Variants in ATG2B observed in about 807,000 individuals in gnomAD.
The protein encoded by ATG2B is autophagy-related protein 2 homolog B.
In ATG2B, 121 loss-of-function variants were observed where a neutral mutation model predicts 241.3. The observed-to-expected ratio is 0.50, with a 90% confidence interval of 0.43 to 0.58. ATG2B has a LOEUF of 0.58. Among genes scored for constraint, ATG2B ranks in the 20% least tolerant of loss-of-function variants. ATG2B has a pLI of 0.00. For synonymous variants in ATG2B, 858 were observed against 876.6 expected, an observed-to-expected ratio of 0.98 and a Z score of 0.37; for missense variants, 2,306 against 2,491.6, an observed-to-expected ratio of 0.93 and a Z score of 1.59.
At chr14:96,308,101 C>T (rs1021780940) in intron 29 of ATG2B, among the ~76,000 whole-genome samples, 1 of 149,260 alleles carries the variant, frequency 6.7e-6, no homozygotes, top group Non-Finnish European at 1.5e-5. Context: ...AGTAAATAAT[C>T]ACTAAATATT....
chr14:96,291,971 G>A (rs183787758), intron 37 of ATG2B, 58 bp downstream of exon 37: 11 of 1,163,770 alleles, frequency 9.5e-6, no homozygotes, highest in African/African-American at 6.3e-5. Context: ...AAATAAAAAC[G>A]AGCTCATTAG....
chr14:96,341,588 T>C lies in ATG2B; in HGVS notation c.858A>G (p.Gly286=). 1.2e-6 allele frequency: 2 copies of C among 1,605,690 alleles called. No homozygotes were observed. Among genetic ancestry groups the C allele is most frequent in the Non-Finnish European group, 1.7e-6 (2 of 1,174,962 alleles). ...TCAACTCCAACCTACCAATTAACCG[T>C]CCAATCTGCACTGGGTCAGAAGGTG... ...EIAPSDPVQI[G]RLIGRLELSL... Residue 286 remains glycine, a synonymous_variant, in exon 6 of 42, where the codon GGA becomes GGG. Coordinates refer to ENST00000359933, the MANE Select transcript of ATG2B (RefSeq NM_018036.7).
intron 21 of ATG2B, among the ~76,000 whole-genome samples, 178 bp downstream of exon 21, chr14:96,316,355 C>CA (rs1195399496): frequency 1.3e-5 from 2 of 151,942 alleles, no homozygotes; most frequent in Non-Finnish European, 2.9e-5. Context: ...AAAGCTATTG[C>CA]AAAAAAAGAA....
intron 1 of ATG2B, among the ~76,000 whole-genome samples, chr14:96,353,093 A>G (rs1888375672): frequency 6.6e-6 from 1 of 152,170 alleles, no homozygotes; most frequent in African/African-American, 2.4e-5. Flanking sequence ...ACAGTTGCCT[A>G]CAGTATTCAG....
At chr14:96,342,914 C>G (rs1445983967) in intron 5 of ATG2B, among the ~76,000 whole-genome samples, 8 of 152,098 alleles carry the variant, frequency 5.3e-5, no homozygotes, top group African/African-American at 2.4e-5. Context: ...CTCTTTCAAA[C>G]TAATACACAG....
chr14:96,344,312 A>G (rs1006185762), intron 4 of ATG2B, among the ~76,000 whole-genome samples: 1 of 152,198 alleles, frequency 6.6e-6, no homozygotes, highest in Admixed American at 6.5e-5. Context: ...AATATGCCTA[A>G]ATATTGCATT....
At position 96,295,515 on chromosome 14, in the gene ATG2B, C is replaced by T. The variant is rs140083473; in HGVS notation, c.5185G>A (p.Glu1729Lys). 11 of 1,607,392 alleles carry T rather than the reference C, an allele frequency of 6.8e-6. No individual in the cohort carries two copies. In the African/African-American group the frequency reaches 1.1e-4, roughly 16 times the overall value. ...TCTGGAGTCATTTGAAGCTCTACTT[C>T]TGCAGAAAGACTTGTGAAGAAATCC... ...LKDFFTSLSA[E>K]VELQMTPDPE... Residue 1729 changes from glutamate to lysine, a missense_variant, in exon 35 of 42, where the codon GAA becomes AAA. By Grantham distance (56) the Glu-to-Lys change is moderately conservative (BLOSUM62 1). Around this residue, in one of 2 missense-constraint regions of ATG2B, gnomAD observed 379 missense variants for 480.4 expected, o/e 0.79. Coordinates refer to ENST00000359933, the MANE Select transcript of ATG2B (RefSeq NM_018036.7).
At chr14:96,334,534 G>A (rs1483376287) in intron 6 of ATG2B, 33 bp from the exon 7 acceptor site, 1 of 1,293,886 alleles carries the variant, frequency 7.7e-7, no homozygotes, top group Non-Finnish European at 1.1e-6. Flanking sequence ...TTCATGAGGA[G>A]TATTCTTTAT....
chr14:96,339,072 A>G (rs1224261560), intron 6 of ATG2B, among the ~76,000 whole-genome samples: 1 of 152,142 alleles, frequency 6.6e-6, no homozygotes. Flanking sequence ...TAAAAACACA[A>G]TGAGATACCA....
At chr14:96,328,630 A>C in intron 13 of ATG2B, 44 bp downstream of exon 13, 1 of 1,559,838 alleles carries the variant, frequency 6.4e-7, no homozygotes, top group African/African-American at 1.4e-5. Flanking sequence ...AATATATATC[A>C]GATTAAAATT....
chr14:96,350,967 T>A (rs536103723), intron 1 of ATG2B, among the ~76,000 whole-genome samples: 1 of 152,326 alleles, frequency 6.6e-6, no homozygotes, highest in South Asian at 2.1e-4. Context: ...TCTTCCTCTC[T>A]TCAGAAATTC....
chr14:96,348,704 A>G (rs543465679), intron 1 of ATG2B, among the ~76,000 whole-genome samples: 8 of 152,160 alleles, frequency 5.3e-5, no homozygotes, highest in Admixed American at 4.6e-4. Flanking sequence ...CTAGTAATTA[A>G]TAGTACAACA....
Position 96,305,576 on chromosome 14 carries a change from G to A in ATG2B, c.4733+13C>T, listed in dbSNP as rs1182232118. The A allele has an allele frequency of 9.0e-6, 14 of 1,554,334 alleles. No individual in the cohort carries two copies. Among genetic ancestry groups the A allele is most frequent in the Non-Finnish European group, 1.2e-5 (14 of 1,131,720 alleles). ...TTGGCCTCCCAAATAAACTTATATA[G>A]AAATTAACTTACATATAACTTTTAG... On this transcript the variant is annotated intron_variant, in intron 31 of 41. Transcript: ENST00000359933.
intron 18 of ATG2B, among the ~76,000 whole-genome samples, chr14:96,319,744 T>A (rs1887411521): frequency 6.6e-6 from 1 of 152,186 alleles, no homozygotes; most frequent in African/African-American, 2.4e-5. Context: ...TGCATTCAAG[T>A]ACTAAACATT....
rs1886590749 is a variant in ATG2B, at chr14:96,294,998, A to T, written c.5388T>A (p.Ala1796=). 1 of 1,614,208 alleles carries T rather than the reference A, an allele frequency of 6.2e-7. No individual in the cohort carries two copies. The highest frequency in any genetic ancestry group is 2.2e-5 in the East Asian group (1 of 44,876). Residue 1796 remains alanine, a synonymous_variant, in exon 36 of 42, where the codon GCT becomes GCA. Coordinates refer to ENST00000359933, the MANE Select transcript of ATG2B (RefSeq NM_018036.7). The part of the protein sequence containing the change: ...VNGMEEKNFS[A]EEASFRDQPV... ...GCTGATCCCTAAAAGATGCTTCTTC[A>T]GCAGAGAAGTTCTTCTCTTCCATGC...
At chr14:96,302,581 A>T in intron 33 of ATG2B, among the ~76,000 whole-genome samples, 1 of 70,846 alleles carries the variant, frequency 1.4e-5, no homozygotes, top group South Asian at 3.6e-4. Flanking sequence ...GTTGGGGGGA[A>T]AAAAAAAACT....
chr14:96,315,392 T>C lies in ATG2B; in HGVS notation c.3553A>G (p.Asn1185Asp), dbSNP rs758841093. Residue 1185 changes from asparagine (N) to aspartate (D), a missense_variant, in exon 22 of 42, where the codon AAT (asparagine) becomes GAT (aspartate). Physicochemically the swap from Asn to Asp is conservative, Grantham distance 23. Coordinates refer to ENST00000359933, the MANE Select transcript of ATG2B (RefSeq NM_018036.7). ...VKILSDKSES[N>D]TKEFLIAVGL... ...AAGTACAAAACACAAACCTTTGTAT[T>C]GGACTCTGATTTATCAGACAATATT... The C allele has an allele frequency of 8.1e-6, 13 of 1,614,062 alleles. No individual in the cohort carries two copies. Among genetic ancestry groups the C allele is most frequent in the South Asian group, 1.1e-5 (1 of 91,076 alleles).
intron 34 of ATG2B, among the ~76,000 whole-genome samples, chr14:96,300,766 C>G (rs563485054): frequency 6.6e-6 from 1 of 152,296 alleles, no homozygotes; most frequent in Admixed American, 6.5e-5. Context: ...CAAGTCTAAC[C>G]TAGGTCAGAG....
intron 1 of ATG2B, among the ~76,000 whole-genome samples, chr14:96,361,328 G>T (rs1160778445): frequency 6.6e-6 from 1 of 152,086 alleles, no homozygotes; most frequent in African/African-American, 2.4e-5. Flanking sequence ...TTGATCTTAG[G>T]CCATGTGATG....
Sources: allele counts gnomAD v4.1 joint callset (sites outside exome capture counted in the v4.1 genomes callset), GRCh38; gene constraint gnomAD v4.1.1; regional missense constraint gnomAD v4.1.1; transcripts MANE v1.5; gene names NCBI Gene and HGNC (gene_info 2026-07-23, HGNC 2026-07-21).